The following CLCN1 variants were observed in gnomAD, a reference collection of about 807,000 sequenced individuals.
CLCN1 encodes the protein chloride voltage-gated channel 1.
In CLCN1, 100 loss-of-function variants were observed where a neutral mutation model predicts 114.5. The ratio of observed to expected loss-of-function variants is 0.87; its 90% CI spans 0.74 to 1.03. CLCN1 has a LOEUF of 1.03. Ranked by LOEUF, CLCN1 falls within the 50% of genes least tolerant of loss-of-function variation. The pLI is 0.00. For synonymous variants in CLCN1, 485 were observed against 487.1 expected (o/e 1.00, Z 0.06); for missense variants, 1,188 against 1,250.0 (o/e 0.95, Z 0.75).
rs143025648 is a variant in CLCN1, at chr7:143,316,249, C to A, written c.37C>A (p.Gln13Lys). The change falls in exon 1 of 23, where the codon CAA becomes AAA. Residue 13 changes from glutamine to lysine, a missense_variant. Physicochemically the swap from Gln to Lys is moderately conservative, Grantham distance 53. Transcript: ENST00000343257. ...CCGGTCACAGCAGCGTGGGGGTGAA[C>A]AAAGCTGGTGGGGTAGTGACCCCCA... ...QSRSQQRGGEQSWWGSDPQYQ... is the reference protein window; with the variant it reads ...QSRSQQRGGEKSWWGSDPQYQ... 110 of 1,613,626 alleles carry A rather than the reference C, an allele frequency of 6.8e-5. No homozygotes were observed. The highest frequency in any genetic ancestry group is 8.2e-5 in the Non-Finnish European group (97 of 1,179,826).
chr7:143,345,881 A>AG, intron 17 of CLCN1, 119 bp downstream of exon 17: 1 of 1,403,516 alleles, frequency 7.1e-7, no homozygotes, highest in Non-Finnish European at 9.7e-7. Context: ...TAGTGGGAAG[A>AG]GGGAGGGGAG....
intron 8 of CLCN1, 87 bp from the exon 9 acceptor site, chr7:143,331,145 G>T: frequency 1.8e-6 from 2 of 1,123,272 alleles, no homozygotes; most frequent in Non-Finnish European, 2.7e-6. Context: ...AGGAAGGAAG[G>T]AATTAATCCT....
At chr7:143,342,929 G>GT (rs1803127754) in intron 16 of CLCN1, among the ~76,000 whole-genome samples, 1 of 148,806 alleles carries the variant, frequency 6.7e-6, no homozygotes, top group African/African-American at 2.5e-5. Flanking sequence ...ATGAAACTCT[G>GT]TTAAAAAAAA....
At chr7:143,340,195 C>A (rs566230055) in intron 14 of CLCN1, among the ~76,000 whole-genome samples, 13 of 152,228 alleles carry the variant, frequency 8.5e-5, no homozygotes, top group Admixed American at 5.9e-4. Flanking sequence ...AGCAAAATCC[C>A]ATAGCATCTA....
chr7:143,338,512 G>A (rs749806543), intron 12 of CLCN1, among the ~76,000 whole-genome samples: 2 of 152,094 alleles, frequency 1.3e-5, no homozygotes, highest in Non-Finnish European at 1.5e-5. Context: ...TTGGCCGGGC[G>A]CATCGGCTCA....
intron 1 of CLCN1, among the ~76,000 whole-genome samples, chr7:143,317,183 C>T (rs1344530965): frequency 6.6e-6 from 1 of 151,698 alleles, no homozygotes; most frequent in Non-Finnish European, 1.5e-5. Flanking sequence ...TGTGCCTCTC[C>T]CTCCAAAGAA....
chr7:143,344,258 A>G (rs2116379763), intron 16 of CLCN1, among the ~76,000 whole-genome samples: 1 of 152,332 alleles, frequency 6.6e-6, no homozygotes, highest in East Asian at 1.9e-4. Context: ...TGTGGTTTAT[A>G]TATCTATATC....
At chr7:143,346,459 G>T in intron 18 of CLCN1, 120 bp from the exon 19 acceptor site, 1 of 825,834 alleles carries the variant, frequency 1.2e-6, no homozygotes, top group Admixed American at 1.8e-5. Context: ...GAGGGTAGAA[G>T]AGAGGGTGAG....
At chr7:143,327,257 A>AAAAAAGAAAAAG (rs1554435827) in intron 7 of CLCN1, among the ~76,000 whole-genome samples, 2 of 149,818 alleles carry the variant, frequency 1.3e-5, no homozygotes, top group African/African-American at 2.5e-5. Flanking sequence ...TAAAAAAAAA[A>AAAAAAGAAAAAG]AAAAAGAAAA....
At position 143,335,746 on chromosome 7, in the gene CLCN1, G is replaced by C. The variant is rs970999496; in HGVS notation, c.1401+2873G>C. 6.9e-5 allele frequency among the ~76,000 whole-genome samples: 10 copies of C among 144,058 alleles called. 1 individual carries two copies. Among genetic ancestry groups the C allele is most frequent in the East Asian group, 6.3e-4 (3 of 4,764 alleles). The allele number at this position is 144,058 out of a possible 152,430, so 94.5% of individuals were successfully genotyped here. ...ACAATCTCGGCTCACTGCAAGCTCCGGCTCCCAGGTTCACGCCATTCTCCT... is the reference window on the plus strand; with the variant it reads ...ACAATCTCGGCTCACTGCAAGCTCCCGCTCCCAGGTTCACGCCATTCTCCT... On this transcript the variant is annotated intron_variant, in intron 12 of 22. Coordinates refer to ENST00000343257, the MANE Select transcript of CLCN1 (RefSeq NM_000083.3).
rs1484247994 is a variant in CLCN1, at chr7:143,330,862, T to C, written c.944T>C (p.Val315Ala). ...TTTGCAGCCACGTTCAGCGCCTTTG[T>C]GTTTCGAGTGCTGGCAGTGTGGAAC... ...GFFAATFSAF[V>A]FRVLAVWNKD... is the part of the protein sequence containing the mutation. Residue 315 changes from valine to alanine, a missense_variant, in exon 8 of 23, where the codon GTG (valine) becomes GCG (alanine). Physicochemically the swap from Val to Ala is moderately conservative, Grantham distance 64. Transcript: ENST00000343257. 1 of 1,614,078 alleles carries C rather than the reference T, an allele frequency of 6.2e-7. No homozygotes were observed. The highest frequency in any genetic ancestry group is 1.3e-5 in the African/African-American group (1 of 74,918).
chr7:143,323,345 G>A lies in CLCN1; in HGVS notation c.733G>A (p.Val245Ile), dbSNP rs781173163. ...CCACATTGCCAGCATCTGTGCTGCT[G>A]TCCTCAGCAAATTCATGTCTGTGTT... ...FVHIASICAAVLSKFMSVFCG... is the reference protein window; with the variant it reads ...FVHIASICAAILSKFMSVFCG... Residue 245 changes from valine to isoleucine, a missense_variant, in exon 6 of 23, where the codon GTC (valine) becomes ATC (isoleucine). Transcript: ENST00000343257. 6.2e-7 allele frequency: 1 copy of A among 1,613,904 alleles called. No individual in the cohort carries two copies. The highest frequency in any genetic ancestry group is 1.1e-5 in the South Asian group (1 of 91,068).
chr7:143,350,301 G>T lies in CLCN1; in HGVS notation c.2404-71G>T. 1 of 1,228,258 alleles carries T rather than the reference G, an allele frequency of 8.1e-7. No homozygotes were observed. Among genetic ancestry groups the T allele is most frequent in the Non-Finnish European group, 1.2e-6 (1 of 843,176 alleles). The allele number at this position is 1,228,258 out of a possible 1,614,324, so 76.1% of individuals were successfully genotyped here. ...GGGCAGCGGCTAGGAGGGCCGTTTG[G>T]GGTCAAAATCAGGTATCTGGGGTGA... On this transcript the variant is annotated intron_variant, in intron 20 of 22. Transcript: ENST00000343257. This position sits in a 1 kb window ranked among gnomAD's most constrained non-coding sequence, Gnocchi z 5.1.
At chr7:143,318,020 G>A (rs1586481288) in intron 1 of CLCN1, among the ~76,000 whole-genome samples, 1 of 152,094 alleles carries the variant, frequency 6.6e-6, no homozygotes, top group South Asian at 2.1e-4. Context: ...TTTTCTACAG[G>A]TCTCAAAAGT....
chr7:143,320,676 G>A lies in CLCN1; in HGVS notation c.314G>A (p.Arg105His), dbSNP rs756353660. The A allele has an allele frequency of 1.8e-4, 288 of 1,612,258 alleles. No individual in the cohort carries two copies. Among genetic ancestry groups the A allele is most frequent in the Non-Finnish European group, 1.1e-4 (133 of 1,179,006 alleles). Residue 105 changes from arginine to histidine, a missense_variant, in exon 3 of 23, where the codon CGC becomes CAC. Coordinates refer to ENST00000343257, the MANE Select transcript of CLCN1 (RefSeq NM_000083.3). ...HYSKCQDCIH[R>H]LGQVVRRKLG... is the part of the protein sequence containing the mutation. ...CATCTCTTCCTAGATTGTATCCACCGCCTGGGACAGGTGGTGAGAAGAAAA... is the reference window on the plus strand; with the variant it reads ...CATCTCTTCCTAGATTGTATCCACCACCTGGGACAGGTGGTGAGAAGAAAA...
At chr7:143,322,524 T>C (rs1802468432) in intron 5 of CLCN1, among the ~76,000 whole-genome samples, 2 of 152,034 alleles carry the variant, frequency 1.3e-5, no homozygotes, top group Admixed American at 1.3e-4. Flanking sequence ...ATTGAAAGTT[T>C]TGTTGTTGTT....
rs374654448 is a variant in CLCN1, at chr7:143,350,074, T to C, written c.2404-298T>C. The stretch of plus-strand genomic sequence containing the variant: ...GTGGAAAATAGATGGGAAAGATAGG[T>C]TGGGAATAACAAATGTTTGGGACGC... On this transcript the variant is annotated intron_variant, in intron 20 of 22. Transcript: ENST00000343257. This position sits in a 1 kb window ranked among gnomAD's most constrained non-coding sequence, Gnocchi z 5.1. Among the ~76,000 whole-genome samples the C allele has an allele frequency of 6.6e-6, 1 of 151,874 alleles. No homozygotes were observed. The highest frequency in any genetic ancestry group is 1.5e-5 in the Non-Finnish European group (1 of 67,960).
chr7:143,349,715 C>G (rs1803345273), intron 20 of CLCN1, among the ~76,000 whole-genome samples: 1 of 152,208 alleles, frequency 6.6e-6, no homozygotes, highest in Admixed American at 6.5e-5. Context: ...ACTACAGTTC[C>G]CTGCATGAGA....
chr7:143,342,874 G>A (rs1217254976), intron 16 of CLCN1, among the ~76,000 whole-genome samples: 14 of 151,750 alleles, frequency 9.2e-5, no homozygotes, highest in Admixed American at 9.2e-4. Flanking sequence ...CGGAGGTTGC[G>A]ATGAGCCGAG....
Sources: allele counts gnomAD v4.1 joint callset (sites outside exome capture counted in the v4.1 genomes callset), GRCh38; gene constraint gnomAD v4.1.1; non-coding constraint Gnocchi (gnomAD v3.1); transcripts MANE v1.5; gene names NCBI Gene and HGNC (gene_info 2026-07-23, HGNC 2026-07-21).